Variants in PRKCE observed in about 807,000 individuals in gnomAD.
PRKCE encodes the protein protein kinase C epsilon.
Under a neutral mutation model 85.4 loss-of-function variants are expected in PRKCE, and 16 were observed. That is an observed-to-expected ratio of 0.19 (90% CI 0.13 to 0.28). The LOEUF (loss-of-function observed/expected upper bound fraction) is 0.28, where lower values mean the gene tolerates loss of function less well. Ranked by LOEUF, PRKCE falls within the 10% of genes least tolerant of loss-of-function variation. PRKCE has a pLI of 1.00. For synonymous variants in PRKCE, 388 were observed against 371.5 expected (o/e 1.04, Z -0.51); for missense variants, 573 against 975.2 (o/e 0.59, Z 5.49).
chr2:46,183,967 AC>A (rs1362995930), intron 14 of PRKCE, among the ~76,000 whole-genome samples: 1 of 152,058 alleles, frequency 6.6e-6, no homozygotes, highest in East Asian at 1.9e-4. Context: ...CCCCCCAAGA[AC>A]CATAAGGCAC....
At position 46,155,122 on chromosome 2, in the gene PRKCE, C is replaced by T. The variant is rs1223284611; in HGVS notation, c.1920+3893C>T. On this transcript the variant is annotated intron_variant, in intron 13 of 14. Transcript: ENST00000306156. The surrounding 1 kb of genome is among the most constrained non-coding windows in gnomAD (Gnocchi z 4.7). ...TGGGGCAGGGTAAACGGAGACCCCTCATGATCCCCCAGCAGCAACGAGGAC... is the reference window on the plus strand; with the variant it reads ...TGGGGCAGGGTAAACGGAGACCCCTTATGATCCCCCAGCAGCAACGAGGAC... Among the ~76,000 whole-genome samples, 1 of 152,224 alleles carries T rather than the reference C, an allele frequency of 6.6e-6. No homozygotes were observed. Among genetic ancestry groups the T allele is most frequent in the Non-Finnish European group, 1.5e-5 (1 of 68,036 alleles).
chr2:46,145,228 T>G lies in PRKCE; in HGVS notation c.1728T>G (p.Pro576=). The G allele has an allele frequency of 6.3e-7, 1 of 1,599,662 alleles. No individual in the cohort carries two copies. The highest frequency in any genetic ancestry group is 1.7e-5 in the Admixed American group (1 of 60,010). Residue 576 remains proline (P), a synonymous_variant, in exon 12 of 15, where the codon CCT becomes CCG. Transcript: ENST00000306156. The surrounding 1 kb of genome is among the most constrained non-coding windows in gnomAD (Gnocchi z 4.6). ...GTGGGACTCCTGACTACATAGCTCC[T>G]GAGGTAAGACCTGTGTGCAAAGGTT... ...TFCGTPDYIA[P]EILQELEYGP...
chr2:45,839,718 C>T (rs1268646115), intron 1 of PRKCE, among the ~76,000 whole-genome samples: 1 of 152,214 alleles, frequency 6.6e-6, no homozygotes, highest in African/African-American at 2.4e-5. Flanking sequence ...AGTTGTGCCA[C>T]ACTCTTCACC....
At chr2:46,179,604 G>C (rs1400548410) in intron 14 of PRKCE, among the ~76,000 whole-genome samples, 1 of 152,182 alleles carries the variant, frequency 6.6e-6, no homozygotes, top group African/African-American at 2.4e-5. Flanking sequence ...AGCCACAGGG[G>C]TCAGACATAC....
Position 46,103,696 on chromosome 2 carries a change from G to C in PRKCE, c.1592+17334G>C, listed in dbSNP as rs187996557. ...CAGTTAATTGGCCCATATTTTGTAT[G>C]TTACATGTATTATATACTATATTCT... On this transcript the variant is annotated intron_variant, in intron 11 of 14. Coordinates refer to ENST00000306156, the MANE Select transcript of PRKCE (RefSeq NM_005400.3). 1.9e-4 allele frequency among the ~76,000 whole-genome samples: 29 copies of C among 152,190 alleles called. 1 individual carries two copies. Among genetic ancestry groups the C allele is most frequent in the Non-Finnish European group, 2.9e-4 (20 of 68,014 alleles).
At chr2:45,742,334 C>A (rs1405945029) in intron 1 of PRKCE, among the ~76,000 whole-genome samples, 1 of 151,908 alleles carries the variant, frequency 6.6e-6, no homozygotes, top group Non-Finnish European at 1.5e-5. Flanking sequence ...ACTTGGGAGG[C>A]TGAGGCAGGA....
intron 1 of PRKCE, among the ~76,000 whole-genome samples, chr2:45,842,355 C>T (rs767415655): frequency 1.3e-5 from 2 of 152,158 alleles, no homozygotes; most frequent in Non-Finnish European, 2.9e-5. Flanking sequence ...TGTCCTTCAT[C>T]ATTAAGCTGG....
At chr2:45,737,337 C>A (rs1682157554) in intron 1 of PRKCE, among the ~76,000 whole-genome samples, 1 of 152,212 alleles carries the variant, frequency 6.6e-6, no homozygotes, top group Admixed American at 6.5e-5. Flanking sequence ...GGAGTCATCC[C>A]TCACTCCCCA....
rs1677581494 is a variant in PRKCE at position 46,159,843 on chromosome 2, G to T, written c.2067+91G>T. On this transcript the variant is annotated intron_variant, in intron 14 of 14. Transcript: ENST00000306156. This position sits in a 1 kb window ranked among gnomAD's most constrained non-coding sequence, Gnocchi z 4.1. ...GTGCACCCAGGAAGAGTTGGTCAGGGGATGCGTATTACAGTAAAAATGACA... is the reference window on the plus strand; with the variant it reads ...GTGCACCCAGGAAGAGTTGGTCAGGTGATGCGTATTACAGTAAAAATGACA... 1.3e-6 allele frequency: 2 copies of T among 1,511,634 alleles called. No individual in the cohort carries two copies. Among genetic ancestry groups the T allele is most frequent in the African/African-American group, 2.8e-5 (2 of 71,836 alleles). The allele number at this position is 1,511,634 out of a possible 1,614,324, so 93.6% of individuals were successfully genotyped here.
chr2:45,874,933 C>G (rs894232162), intron 2 of PRKCE, among the ~76,000 whole-genome samples: 2 of 152,044 alleles, frequency 1.3e-5, no homozygotes, highest in Non-Finnish European at 2.9e-5. Flanking sequence ...GGCCTACATT[C>G]CAATTAGGTA....
At chr2:45,658,775 T>A (rs1312177590) in intron 1 of PRKCE, among the ~76,000 whole-genome samples, 1 of 152,238 alleles carries the variant, frequency 6.6e-6, no homozygotes, top group Non-Finnish European at 1.5e-5. Flanking sequence ...CAGTGAAATA[T>A]ATTTTTCTCC....
intron 2 of PRKCE, among the ~76,000 whole-genome samples, chr2:45,953,578 C>T (rs1700772895): frequency 6.6e-6 from 1 of 152,236 alleles, no homozygotes; most frequent in Admixed American, 6.5e-5. Flanking sequence ...AGTGTCACTG[C>T]TGAGTCAGAA....
intron 10 of PRKCE, among the ~76,000 whole-genome samples, chr2:46,059,357 T>C (rs1666898322): frequency 1.3e-5 from 2 of 152,208 alleles, no homozygotes; most frequent in Admixed American, 1.3e-4. Context: ...CACTTTGTTT[T>C]CCTTTAGCCA....
At chr2:45,672,537 A>C (rs1475756846) in intron 1 of PRKCE, among the ~76,000 whole-genome samples, 4 of 152,210 alleles carry the variant, frequency 2.6e-5, no homozygotes, top group African/African-American at 9.7e-5. Context: ...CATGTGTCTA[A>C]AATTTTTAGT....
At chr2:45,853,091 A>T (rs114904212) in intron 2 of PRKCE, among the ~76,000 whole-genome samples, 2,136 of 152,280 alleles carry the variant, frequency 0.014, 61 homozygotes, top group African/African-American at 0.048. Context: ...TTCTTTCTCG[A>T]GTCCCGATCA....
At chr2:45,831,570 A>G (rs2105399792) in intron 1 of PRKCE, among the ~76,000 whole-genome samples, 1 of 152,348 alleles carries the variant, frequency 6.6e-6, no homozygotes, top group South Asian at 2.1e-4. Context: ...AATAAACAGA[A>G]TTTGTGATGT....
chr2:46,046,158 G>T (rs934016474), intron 10 of PRKCE, among the ~76,000 whole-genome samples: 1 of 152,206 alleles, frequency 6.6e-6, no homozygotes, highest in Admixed American at 6.5e-5. Context: ...TTCATTTCTG[G>T]TGGCAGTACT....
chr2:45,708,190 C>CTGGTGGTT (rs56077009), intron 1 of PRKCE, among the ~76,000 whole-genome samples: 19 of 151,778 alleles, frequency 1.3e-4, no homozygotes, highest in African/African-American at 4.6e-4. Flanking sequence ...GAGCAAGTTG[C>CTGGTGGTT]TAAGCTGGGG....
At chr2:45,960,211 GGC>G (rs1439657606) in intron 2 of PRKCE, among the ~76,000 whole-genome samples, 6 of 152,182 alleles carry the variant, frequency 3.9e-5, no homozygotes, top group African/African-American at 1.4e-4. Flanking sequence ...GAACCGGTCT[GGC>G]CTTGGGACCA....
Sources: allele counts gnomAD v4.1 joint callset (sites outside exome capture counted in the v4.1 genomes callset), GRCh38; gene constraint gnomAD v4.1.1; non-coding constraint Gnocchi (gnomAD v3.1); transcripts MANE v1.5; gene names NCBI Gene and HGNC (gene_info 2026-07-23, HGNC 2026-07-21).